The following RBFOX1 variants were observed in gnomAD, a reference collection of about 807,000 sequenced individuals.
RBFOX1 encodes the protein RNA binding protein fox-1 homolog 1.
In RBFOX1, 8 loss-of-function variants were observed where a neutral mutation model predicts 57.7. That is an observed-to-expected ratio of 0.14 (90% CI 0.08 to 0.25). The LOEUF is 0.25. RBFOX1 is among the 10% of genes least tolerant of loss of function. The pLI is 1.00. For synonymous variants in RBFOX1, 326 were observed against 222.4 expected, an observed-to-expected ratio of 1.47 and a Z score of -4.15; for missense variants, 611 against 548.5, an observed-to-expected ratio of 1.11 and a Z score of -1.14.
chr16:5,921,505 A>G (rs1461737496), intron 4 of RBFOX1, among the ~76,000 whole-genome samples: 5 of 152,214 alleles, frequency 3.3e-5, no homozygotes, highest in Admixed American at 2.6e-4. Context: ...GAGGGCATCA[A>G]GATGAAATTG....
At chr16:6,152,497 C>G (rs1243188898) in intron 1 of RBFOX1, among the ~76,000 whole-genome samples, 1 of 152,184 alleles carries the variant, frequency 6.6e-6, no homozygotes, top group Non-Finnish European at 1.5e-5. Flanking sequence ...AAAGTCAGAT[C>G]AGCTCAAGTT....
chr16:6,336,160 T>TATA (rs2083650863), intron 2 of RBFOX1, among the ~76,000 whole-genome samples: 1 of 15,282 alleles, frequency 6.5e-5, no homozygotes, highest in Non-Finnish European at 1.6e-4. Context: ...TATACATATA[T>TATA]ATATATATAT....
intron 2 of RBFOX1, among the ~76,000 whole-genome samples, chr16:5,540,207 T>G (rs2044874098): frequency 6.6e-6 from 1 of 152,226 alleles, no homozygotes; most frequent in South Asian, 2.1e-4. Context: ...AACATCATTT[T>G]GTTTATACCT....
chr16:7,656,103 T>C (rs2066236098), intron 12 of RBFOX1, among the ~76,000 whole-genome samples: 1 of 152,214 alleles, frequency 6.6e-6, no homozygotes, highest in Non-Finnish European at 1.5e-5. Flanking sequence ...CTGATAATAG[T>C]ATGGCTGGCA....
At chr16:6,430,786 G>A (rs1293333772) in intron 2 of RBFOX1, among the ~76,000 whole-genome samples, 1 of 152,088 alleles carries the variant, frequency 6.6e-6, no homozygotes, top group African/African-American at 2.4e-5. Context: ...TCTGGCTGCA[G>A]TGTGGATGAT....
At chr16:7,136,604 G>T (rs2072058099) in intron 4 of RBFOX1, among the ~76,000 whole-genome samples, 1 of 151,818 alleles carries the variant, frequency 6.6e-6, no homozygotes. Context: ...TTGTGTAGAG[G>T]CTGGGTCTCA....
intron 2 of RBFOX1, among the ~76,000 whole-genome samples, chr16:6,437,797 C>G (rs1012735697): frequency 1.3e-5 from 2 of 152,092 alleles, no homozygotes; most frequent in Non-Finnish European, 2.9e-5. Flanking sequence ...ATAACCAGAC[C>G]TCGTGAGAAC....
chr16:7,599,869 T>A (rs978664488), intron 9 of RBFOX1, among the ~76,000 whole-genome samples: 3 of 151,714 alleles, frequency 2.0e-5, no homozygotes, highest in Non-Finnish European at 2.9e-5. Flanking sequence ...ACTCCTGAGC[T>A]CAAGTGATGT....
intron 3 of RBFOX1, among the ~76,000 whole-genome samples, chr16:6,809,805 A>G (rs2087952340): frequency 6.6e-6 from 1 of 152,144 alleles, no homozygotes; most frequent in Non-Finnish European, 1.5e-5. Context: ...GCTGCCAAAA[A>G]TCTTATTCCA....
intron 2 of RBFOX1, among the ~76,000 whole-genome samples, chr16:6,518,051 C>T (rs911521365): frequency 6.6e-6 from 1 of 152,278 alleles, no homozygotes; most frequent in Admixed American, 6.5e-5. Context: ...CTTTGTTGAA[C>T]TAATTCAAGT....
chr16:6,887,855 GT>G (rs2064471651), intron 3 of RBFOX1, among the ~76,000 whole-genome samples: 1 of 152,042 alleles, frequency 6.6e-6, no homozygotes, highest in Non-Finnish European at 1.5e-5. Context: ...TAGAGGTGGG[GT>G]TTGCCATGTT....
intron 4 of RBFOX1, among the ~76,000 whole-genome samples, chr16:7,225,905 A>AATCAATAAATATATATATAAATATAT (rs1555600462): frequency 1.1e-5 from 1 of 93,752 alleles, no homozygotes; most frequent in African/African-American, 4.8e-5. Flanking sequence ...AAGTATAATA[A>AATCAATAAATATATATATAAATATAT]ATATATATAT....
At chr16:6,227,543 A>G (rs965955893) in intron 1 of RBFOX1, among the ~76,000 whole-genome samples, 2 of 152,140 alleles carry the variant, frequency 1.3e-5, no homozygotes, top group Non-Finnish European at 1.5e-5. Context: ...GGGTAGGGAC[A>G]GAAGTGAGCT....
intron 4 of RBFOX1, among the ~76,000 whole-genome samples, chr16:5,902,967 G>C (rs2058343248): frequency 6.6e-6 from 1 of 152,062 alleles, no homozygotes; most frequent in South Asian, 2.1e-4. Flanking sequence ...TCTTATCTCA[G>C]GTAAGTGTTT....
At chr16:7,167,537 T>C (rs935505532) in intron 4 of RBFOX1, among the ~76,000 whole-genome samples, 11 of 152,028 alleles carry the variant, frequency 7.2e-5, no homozygotes, top group African/African-American at 2.4e-4. Context: ...ATGCAGTCTT[T>C]GGAGGGAGTG....
intron 2 of RBFOX1, among the ~76,000 whole-genome samples, chr16:5,501,083 AGGTGGGCG>A (rs2043177917): frequency 6.6e-6 from 1 of 152,144 alleles, no homozygotes; most frequent in African/African-American, 2.4e-5. Flanking sequence ...TGGGAGGCCG[AGGTGGGCG>A]GGTCACCTGA....
intron 14 of RBFOX1, among the ~76,000 whole-genome samples, chr16:7,687,469 C>G (rs998187533): frequency 1.3e-5 from 2 of 152,020 alleles, no homozygotes; most frequent in African/African-American, 4.8e-5. Flanking sequence ...GCAAGCCCCT[C>G]ATTTACAATC....
chr16:7,377,194 T>C (rs2097700364), intron 4 of RBFOX1, among the ~76,000 whole-genome samples: 1 of 152,218 alleles, frequency 6.6e-6, no homozygotes, highest in African/African-American at 2.4e-5. Flanking sequence ...CATTCTTGAC[T>C]TTGTTCTATT....
At chr16:6,593,363 C>G (rs544840572) in intron 2 of RBFOX1, among the ~76,000 whole-genome samples, 1 of 152,118 alleles carries the variant, frequency 6.6e-6, no homozygotes, top group Non-Finnish European at 1.5e-5. Flanking sequence ...TAAAATCATG[C>G]GGAATCACAG....
Sources: allele counts gnomAD v4.1 joint callset (sites outside exome capture counted in the v4.1 genomes callset), GRCh38; gene constraint gnomAD v4.1.1; transcripts MANE v1.5; gene names NCBI Gene and HGNC (gene_info 2026-07-23, HGNC 2026-07-21).